The following RSRP1 variants were observed in gnomAD, a reference collection of about 807,000 sequenced individuals.
The protein encoded by RSRP1 is arginine and serine rich protein 1.
RSRP1 carries 37 observed loss-of-function variants against 33.0 expected under a neutral mutation model. The observed-to-expected ratio is 1.12, with a 90% CI of 0.86 to 1.48. RSRP1 has a LOEUF of 1.48. RSRP1 is among the 40% of genes most tolerant of loss of function. RSRP1 has a pLI of 0.00. For synonymous variants in RSRP1, 167 were observed against 158.7 expected (o/e 1.05, Z -0.40); for missense variants, 402 against 385.3 (o/e 1.04, Z -0.36).
upstream of RSRP1, among the ~76,000 whole-genome samples, chr1:25,251,156 G>A (rs936225809): frequency 1.3e-5 from 2 of 152,068 alleles, no homozygotes; most frequent in African/African-American, 2.4e-5. Context: ...AACTGAATTC[G>A]GCCAACACAT....
chr1:25,279,414 G>GACA (rs1641286218), intron 1 of RSRP1, among the ~76,000 whole-genome samples: 1 of 114,792 alleles, frequency 8.7e-6, no homozygotes, highest in African/African-American at 3.0e-5. Flanking sequence ...CTGATTGAGA[G>GACA]ACCCACACTG....
intron 1 of RSRP1, among the ~76,000 whole-genome samples, chr1:25,276,544 A>G (rs1412960211): frequency 8.0e-6 from 1 of 124,462 alleles, no homozygotes; most frequent in Non-Finnish European, 1.9e-5. Context: ...AAAAAAAAAA[A>G]AAAAAAAAAA....
rs1435362656 is a variant in RSRP1 at position 25,287,728 on chromosome 1, T to TTTA, written c.-66-40702_-66-40700dup. 3.0e-4 allele frequency among the ~76,000 whole-genome samples: 41 copies of TTTA among 135,544 alleles called. 8 individuals carry two copies. The South Asian group carries it at 4.4e-3, about 15-fold the overall frequency. 88.9% of individuals were successfully genotyped at this position (135,544 alleles called of 152,430 possible). ...TGAAGTGGGATGTTTTAAAATTTTA[T>TTTA]TTATTTTTTTAGAGACAGGGTCTTG... On this transcript the variant is annotated intron_variant, in intron 1 of 1. Transcript: ENST00000561867.
intron 1 of RSRP1, among the ~76,000 whole-genome samples, chr1:25,292,739 G>A (rs1281049249): frequency 8.0e-6 from 1 of 125,616 alleles, no homozygotes; most frequent in East Asian, 2.0e-4. Context: ...AAAGGTTAGG[G>A]CTAGGGATAT....
At chr1:25,250,881 C>T (rs932998698), upstream of RSRP1, among the ~76,000 whole-genome samples, 4 of 152,040 alleles carry the variant, frequency 2.6e-5, no homozygotes, top group South Asian at 2.1e-4. Context: ...AGGTGGCGTC[C>T]GCCTGTAATC....
At chr1:25,272,538 C>T (rs373452048) in intron 1 of RSRP1, 75 of 1,573,998 alleles carry the variant, frequency 4.8e-5, no homozygotes, top group Admixed American at 1.2e-4. Context: ...TGCACAGAGA[C>T]GGACACAGGA....
intron 1 of RSRP1, among the ~76,000 whole-genome samples, chr1:25,255,177 A>G (rs931449747): frequency 6.6e-6 from 1 of 152,216 alleles, no homozygotes; most frequent in African/African-American, 2.4e-5. Flanking sequence ...GAGAATGTCA[A>G]CTGGGTCCAG....
intron 1 of RSRP1, 107 bp downstream of exon 1, chr1:25,247,202 A>C (rs1306644640): frequency 2.1e-6 from 1 of 466,944 alleles, no homozygotes; most frequent in African/African-American, 2.0e-5. Flanking sequence ...GCGGCCTTGA[A>C]GCGAAACGCT....
rs1638901325 is a variant in RSRP1, at chr1:25,242,352, A to G, written c.*237T>C. On this transcript the variant is annotated 3_prime_UTR_variant, in exon 5 of 5. Transcript: ENST00000243189. ...TTACATAACCAAGACAATATTTACA[A>G]CTATATACAAAAGACTCCCACCTGT... 1 of 312,244 alleles carries G rather than the reference A, an allele frequency of 3.2e-6. No individual in the cohort carries two copies. The highest frequency in any genetic ancestry group is 1.0e-4 in the South Asian group (1 of 9,686). 19.3% of individuals were successfully genotyped at this position (312,244 alleles called of 1,614,324 possible). A position where few individuals can be genotyped will look rare whatever the true frequency, so the allele number is the denominator to read the frequency against.
At chr1:25,336,561 T>C (rs1488436648) in intron 1 of RSRP1, 3 of 148,184 alleles carry the variant, frequency 2.0e-5, no homozygotes. Context: ...CTCACTCATA[T>C]TTATAAATAT....
chr1:25,270,881 A>G lies in RSRP1; in HGVS notation c.-66-23852T>C, dbSNP rs1207565965. On this transcript the variant is annotated intron_variant, in intron 1 of 1. Coordinates refer to the RSRP1 transcript ENST00000561867. ...TAATAACAGTTAGCTCTGAAAATGT[A>G]TAAAGCAAAATTAACCAATGTTTTA... is the stretch of plus-strand genomic sequence containing the variant. Among the ~76,000 whole-genome samples the G allele has an allele frequency of 5.3e-5, 7 of 131,570 alleles. 2 individuals carry two copies. The highest frequency in any genetic ancestry group is 9.0e-5 in the Non-Finnish European group (5 of 55,594). The allele number at this position is 131,570 out of a possible 152,430, so 86.3% of individuals were successfully genotyped here. A position where few individuals can be genotyped will look rare whatever the true frequency, so the allele number is the denominator to read the frequency against.
chr1:25,314,962 T>C lies in RSRP1; in HGVS notation c.-67+23016A>G, dbSNP rs1292967525. On this transcript the variant is annotated intron_variant, in intron 1 of 1. Coordinates refer to the RSRP1 transcript ENST00000561867. ...GCTCACACCTGTAATCCCAGCACTT[T>C]GGGAGGCTGAGGCTGGCGGATCACA... is the stretch of plus-strand genomic sequence containing the variant. Among the ~76,000 whole-genome samples the C allele has an allele frequency of 6.1e-5, 8 of 130,662 alleles. 1 individual carries two copies. The highest frequency in any genetic ancestry group is 4.5e-4 in the Admixed American group (6 of 13,324). 85.7% of individuals were successfully genotyped at this position (130,662 alleles called of 152,430 possible).
chr1:25,257,061 A>G (rs950963644), intron 1 of RSRP1, among the ~76,000 whole-genome samples: 64 of 152,290 alleles, frequency 4.2e-4, no homozygotes, highest in African/African-American at 1.3e-3. Context: ...TTTTATTGCT[A>G]TATTACTTTT....
chr1:25,292,416 G>A (rs569013675), intron 1 of RSRP1, among the ~76,000 whole-genome samples: 1 of 132,654 alleles, frequency 7.5e-6, no homozygotes. Flanking sequence ...ATAGCTGTGA[G>A]AGTGATGGGA....
In RSRP1 at chr1:25,267,670, G is replaced by A. The variant is rs1163276668; in HGVS notation, c.-66-20641C>T. 4 of 131,482 alleles carry A rather than the reference G, an allele frequency of 3.0e-5. 1 individual carries two copies. The highest frequency in any genetic ancestry group is 5.4e-5 in the Non-Finnish European group (3 of 55,608). The allele number at this position is 131,482 out of a possible 1,614,324, so 8.1% of individuals were successfully genotyped here. On this transcript the variant is annotated intron_variant, in intron 1 of 1. Coordinates refer to the RSRP1 transcript ENST00000561867. The stretch of plus-strand genomic sequence containing the variant: ...CCACCTTTTGCACCACGCGGGACCC[G>A]GCACGCTTCCTGCCACCCACCCCTG...
Position 25,300,861 on chromosome 1 carries a change from G to C in RSRP1, c.-67+37117C>G. Reference sequence around the variant, plus strand: ...CTTCAAGTCACACCTCCTAAGTGAAGCTCTGAACTTTCTCCAAGGACTATC... The same window carrying C: ...CTTCAAGTCACACCTCCTAAGTGAACCTCTGAACTTTCTCCAAGGACTATC... On this transcript the variant is annotated intron_variant, in intron 1 of 1. Transcript: ENST00000561867. 1.5e-6 allele frequency: 2 copies of C among 1,302,678 alleles called. 1 individual carries two copies. Among genetic ancestry groups the C allele is most frequent in the East Asian group, 4.5e-5 (2 of 44,058 alleles). The allele number at this position is 1,302,678 out of a possible 1,614,324, so 80.7% of individuals were successfully genotyped here.
rs1643649151 is a variant in RSRP1 at position 25,304,566 on chromosome 1, C to T, written c.-67+33412G>A. ...TGAGCTGAAATCGTGCCATGGCACT[C>T]CAGCCTGGGCGACAGAACAAGACTC... On this transcript the variant is annotated intron_variant, in intron 1 of 1. Coordinates refer to the RSRP1 transcript ENST00000561867. 2 of 127,604 alleles carry T rather than the reference C, an allele frequency of 1.6e-5. 1 individual carries two copies. The highest frequency in any genetic ancestry group is 1.5e-4 in the Admixed American group (2 of 13,180). 7.9% of individuals were successfully genotyped at this position (127,604 alleles called of 1,614,324 possible). A position where few individuals can be genotyped will look rare whatever the true frequency, so the allele number is the denominator to read the frequency against.
rs1449867961 is a variant in RSRP1, at chr1:25,291,657, TCA to T, written c.-66-44630_-66-44629del. Among the ~76,000 whole-genome samples the T allele has an allele frequency of 1.5e-5, 2 of 132,460 alleles. 1 individual carries two copies. The highest frequency in any genetic ancestry group is 3.6e-5 in the Non-Finnish European group (2 of 55,924). 86.9% of individuals were successfully genotyped at this position (132,460 alleles called of 152,430 possible). A position where few individuals can be genotyped will look rare whatever the true frequency, so the allele number is the denominator to read the frequency against. On this transcript the variant is annotated intron_variant, in intron 1 of 1. Transcript: ENST00000561867. ...ATGGTTATATAAAAGTAATTAATTC[TCA>T]GAGCCTCACCAGCAGTGGGTCCAGC...
At chr1:25,256,396 C>G (rs1639950328) in intron 1 of RSRP1, among the ~76,000 whole-genome samples, 1 of 152,168 alleles carries the variant, frequency 6.6e-6, no homozygotes, top group African/African-American at 2.4e-5. Context: ...GCAAGATCTT[C>G]CATCCCAGTC....
Sources: gnomAD v4.1 joint callset for allele counts (sites outside exome capture counted in the v4.1 genomes callset) on GRCh38, gnomAD v4.1.1 for gene constraint, MANE v1.5 for transcripts, NCBI Gene and HGNC (gene_info 2026-07-23, HGNC 2026-07-21) for gene names.